LSAMP: variants seen among roughly 807,000 people sequenced by gnomAD.
LSAMP encodes limbic system associated membrane protein.
A neutral mutation model predicts 38.6 loss-of-function variants in LSAMP; 7 were observed. That is an observed-to-expected ratio of 0.18 (90% CI 0.10 to 0.34). LSAMP has a LOEUF of 0.34. Ranked by LOEUF, LSAMP falls within the 10% of genes least tolerant of loss-of-function variation. The pLI is 1.00. For synonymous variants in LSAMP, 154 were observed against 166.8 expected, an observed-to-expected ratio of 0.92 and a Z score of 0.59; for missense variants, 313 against 420.0, an observed-to-expected ratio of 0.75 and a Z score of 2.23.
chr3:116,209,068 AC>A (rs1199045867), intron 1 of LSAMP, among the ~76,000 whole-genome samples: 3 of 151,826 alleles, frequency 2.0e-5, no homozygotes, highest in African/African-American at 7.3e-5. Context: ...TGGGGGTAGG[AC>A]CCTCTGAGCC....
At position 116,269,301 on chromosome 3, in the gene LSAMP, G is replaced by GCAATCTCTCTTATTAAATGTTAAATAAA. The variant is rs1465502999; in HGVS notation, c.155+175548_155+175575dup. Among the ~76,000 whole-genome samples the GCAATCTCTCTTATTAAATGTTAAATAAA allele has an allele frequency of 1.6e-3, 245 of 152,066 alleles. 1 individual carries two copies. The highest frequency in any genetic ancestry group is 4.2e-3 in the African/African-American group (176 of 41,478). Reference sequence around the variant, plus strand: ...TTTCCTCATTTATATAATGCTAATGGCAATCTCTCTTATTAAATGTTAAAT... The same window carrying GCAATCTCTCTTATTAAATGTTAAATAAA: ...TTTCCTCATTTATATAATGCTAATGGCAATCTCTCTTATTAAATGTTAAATAAACAATCTCTCTTATTAAATGTTAAAT... On this transcript the variant is annotated intron_variant, in intron 1 of 6. Transcript: ENST00000490035.
At chr3:116,261,829 G>A (rs1365107669) in intron 1 of LSAMP, among the ~76,000 whole-genome samples, 3 of 149,946 alleles carry the variant, frequency 2.0e-5, no homozygotes, top group South Asian at 2.1e-4. Flanking sequence ...TTATTGATAT[G>A]TTATGCACAT....
At chr3:115,964,073 T>A (rs1230396827) in intron 3 of LSAMP, among the ~76,000 whole-genome samples, 2 of 152,326 alleles carry the variant, frequency 1.3e-5, no homozygotes, top group South Asian at 2.1e-4. Context: ...TTAGTTTAAA[T>A]GCCATCTCAA....
At position 115,900,472 on chromosome 3, in the gene LSAMP, C is replaced by T. The variant is rs542023488; in HGVS notation, c.515-47855G>A. 2.8e-3 allele frequency among the ~76,000 whole-genome samples: 394 copies of T among 141,284 alleles called. 2 individuals carry two copies. The highest frequency in any genetic ancestry group is 0.01 in the African/African-American group (380 of 37,176). 92.7% of individuals were successfully genotyped at this position (141,284 alleles called of 152,430 possible). A position where few individuals can be genotyped will look rare whatever the true frequency, so the allele number is the denominator to read the frequency against. On this transcript the variant is annotated intron_variant, in intron 3 of 6. Coordinates refer to ENST00000490035, the MANE Select transcript of LSAMP (RefSeq NM_002338.5). ...CGGAGGTTGCAGTGAGCCAAGATAG[C>T]ACCACTGCACTCCAACCTGGGCAAT...
intron 3 of LSAMP, among the ~76,000 whole-genome samples, chr3:115,986,598 G>A (rs1339356258): frequency 3.3e-5 from 5 of 151,884 alleles, no homozygotes; most frequent in Non-Finnish European, 7.4e-5. Context: ...CCTAAGGAAA[G>A]CATATTTCCA....
At chr3:115,879,822 C>T (rs983486425) in intron 3 of LSAMP, among the ~76,000 whole-genome samples, 5 of 152,104 alleles carry the variant, frequency 3.3e-5, no homozygotes, top group Non-Finnish European at 7.4e-5. Context: ...CTGGGTACTA[C>T]AAATATAGCC....
intron 3 of LSAMP, among the ~76,000 whole-genome samples, chr3:115,905,413 C>T (rs1330855632): frequency 6.6e-6 from 1 of 151,994 alleles, no homozygotes; most frequent in Non-Finnish European, 1.5e-5. Context: ...AATGTTTTAC[C>T]TTCCTCCCTG....
intron 1 of LSAMP, among the ~76,000 whole-genome samples, chr3:116,191,762 G>C (rs1315017023): frequency 1.4e-5 from 2 of 147,286 alleles, no homozygotes; most frequent in Non-Finnish European, 3.0e-5. Context: ...GGAACCTAAT[G>C]GGGCTTCTAA....
At chr3:116,249,958 C>A (rs1364224724) in intron 1 of LSAMP, among the ~76,000 whole-genome samples, 2 of 151,998 alleles carry the variant, frequency 1.3e-5, no homozygotes, top group Non-Finnish European at 2.9e-5. Flanking sequence ...TTTCTTATGA[C>A]CTATAGGATA....
At chr3:115,826,655 A>G (rs1934421830) in intron 6 of LSAMP, among the ~76,000 whole-genome samples, 1 of 152,160 alleles carries the variant, frequency 6.6e-6, no homozygotes, top group Admixed American at 6.5e-5. Flanking sequence ...ATACTAAGAT[A>G]TTTCTTTGAG....
intron 1 of LSAMP, among the ~76,000 whole-genome samples, chr3:116,275,204 C>A (rs1393469520): frequency 3.9e-5 from 6 of 151,936 alleles, no homozygotes; most frequent in African/African-American, 1.5e-4. Flanking sequence ...AGGTATGCAC[C>A]ATCATGCCTG....
chr3:115,832,949 C>T (rs1273656187), intron 6 of LSAMP, among the ~76,000 whole-genome samples: 1 of 152,136 alleles, frequency 6.6e-6, no homozygotes, highest in Admixed American at 6.6e-5. Flanking sequence ...TGGTGTCTGG[C>T]TTCACTTTGT....
Position 116,359,280 on chromosome 3 carries a change from A to G in LSAMP, c.155+85597T>C, listed in dbSNP as rs1425191846. Among the ~76,000 whole-genome samples the G allele has an allele frequency of 2.0e-5, 3 of 152,242 alleles. No individual in the cohort carries two copies. The South Asian group carries it at 6.2e-4, about 31-fold the overall frequency. ...TTGAGTTAGCAGGTAGTGAAAAAAT[A>G]TAAGTTTTGTATGTGATACCAACTC... is the stretch of plus-strand genomic sequence containing the variant. On this transcript the variant is annotated intron_variant, in intron 1 of 6. Coordinates refer to ENST00000490035, the MANE Select transcript of LSAMP (RefSeq NM_002338.5).
At chr3:115,915,589 C>T (rs1414355203) in intron 3 of LSAMP, among the ~76,000 whole-genome samples, 1 of 151,878 alleles carries the variant, frequency 6.6e-6, no homozygotes, top group African/African-American at 2.4e-5. Flanking sequence ...TTGCTGCAGC[C>T]TTTTAAGTGG....
chr3:115,810,483 T>C (rs1933787989), intron 6 of LSAMP, 69 bp from the exon 7 acceptor site: 1 of 1,039,374 alleles, frequency 9.6e-7, no homozygotes, highest in African/African-American at 1.6e-5. Context: ...TATAGCTGAC[T>C]GCTGATGGTA....
At chr3:116,285,250 G>A (rs757901455) in intron 1 of LSAMP, among the ~76,000 whole-genome samples, 15 of 151,978 alleles carry the variant, frequency 9.9e-5, no homozygotes, top group Admixed American at 3.3e-4. Context: ...ATGGCCTCCC[G>A]TCACTCATGG....
At chr3:116,183,726 AT>A (rs765219937) in intron 1 of LSAMP, among the ~76,000 whole-genome samples, 22 of 151,966 alleles carry the variant, frequency 1.4e-4, no homozygotes, top group Non-Finnish European at 2.7e-4. Flanking sequence ...ACCATTTCTG[AT>A]TAGAACACCT....
At chr3:116,417,716 C>A (rs191289530) in intron 1 of LSAMP, among the ~76,000 whole-genome samples, 23 of 152,272 alleles carry the variant, frequency 1.5e-4, no homozygotes, top group Admixed American at 1.2e-3. Context: ...GTTTCCTATT[C>A]TTTTAATAAT....
At chr3:115,815,213 TA>T (rs1193060637) in intron 6 of LSAMP, among the ~76,000 whole-genome samples, 2 of 152,224 alleles carry the variant, frequency 1.3e-5, no homozygotes, top group Non-Finnish European at 2.9e-5. Context: ...ATTGTTTTAT[TA>T]TTATTGTAGT....
Sources: allele counts gnomAD v4.1 joint callset (sites outside exome capture counted in the v4.1 genomes callset), GRCh38; gene constraint gnomAD v4.1.1; transcripts MANE v1.5; gene names NCBI Gene and HGNC (gene_info 2026-07-23, HGNC 2026-07-21).